Variants in NRCAM observed in about 807,000 individuals in gnomAD.
NRCAM encodes the protein NgCAM-related cell adhesion molecule.
In NRCAM, 83 loss-of-function variants were observed where a neutral mutation model predicts 156.5. The observed-to-expected ratio is 0.53, with a 90% CI of 0.44 to 0.64. The LOEUF (loss-of-function observed/expected upper bound fraction) is 0.64. Among genes scored for constraint, NRCAM ranks in the 30% least tolerant of loss-of-function variants. The pLI, the probability that NRCAM is intolerant of heterozygous loss-of-function variation, is 0.00. For missense variants in NRCAM, 1,417 were observed against 1,597.3 expected (o/e 0.89, Z 1.92); for synonymous variants, 538 against 563.9 (o/e 0.95, Z 0.65).
intron 1 of NRCAM, among the ~76,000 whole-genome samples, chr7:108,428,546 G>C (rs1483304543): frequency 1.3e-5 from 2 of 152,156 alleles, no homozygotes; most frequent in Admixed American, 6.5e-5. Context: ...AAACAATGCT[G>C]AGATCCTTGG....
intron 2 of NRCAM, among the ~76,000 whole-genome samples, chr7:108,392,341 C>A (rs2099762962): frequency 6.6e-6 from 1 of 152,262 alleles, no homozygotes; most frequent in Admixed American, 6.5e-5. Flanking sequence ...ATCACTGATA[C>A]CCTTTCTTAC....
At chr7:108,407,391 G>A (rs2099810180) in intron 1 of NRCAM, among the ~76,000 whole-genome samples, 1 of 152,060 alleles carries the variant, frequency 6.6e-6, no homozygotes, top group African/African-American at 2.4e-5. Context: ...TATTTTACTA[G>A]CACTGGCTGA....
chr7:108,330,007 T>C (rs1224511391), intron 2 of NRCAM, among the ~76,000 whole-genome samples: 1 of 152,228 alleles, frequency 6.6e-6, no homozygotes, highest in Non-Finnish European at 1.5e-5. Flanking sequence ...TTACTAGTGG[T>C]ACCAGCTGAT....
intron 3 of NRCAM, among the ~76,000 whole-genome samples, chr7:108,297,111 T>C (rs529689690): frequency 2.1e-4 from 32 of 152,208 alleles, no homozygotes; most frequent in Non-Finnish European, 4.4e-4. Context: ...ATGATCGGCT[T>C]TCAACCCCAC....
chr7:108,425,808 C>T (rs1005562438), intron 1 of NRCAM, among the ~76,000 whole-genome samples: 1 of 152,090 alleles, frequency 6.6e-6, no homozygotes, highest in African/African-American at 2.4e-5. Context: ...TGTCTAGGTG[C>T]GTCCTGAACA....
intron 8 of NRCAM, among the ~76,000 whole-genome samples, chr7:108,230,727 T>G (rs1268066463): frequency 6.6e-6 from 1 of 150,704 alleles, no homozygotes; most frequent in African/African-American, 2.4e-5. Context: ...AAACTCTGCT[T>G]TTTTTTTTTC....
intron 13 of NRCAM, among the ~76,000 whole-genome samples, chr7:108,205,553 C>T (rs927683254): frequency 3.9e-5 from 6 of 152,182 alleles, no homozygotes; most frequent in Non-Finnish European, 8.8e-5. Flanking sequence ...TCCCCATTTT[C>T]CCTGCTGAAG....
At chr7:108,351,763 CTT>C (rs11460232) in intron 2 of NRCAM, among the ~76,000 whole-genome samples, 1 of 149,840 alleles carries the variant, frequency 6.7e-6, no homozygotes, top group Non-Finnish European at 1.5e-5. Flanking sequence ...ATATTGACCA[CTT>C]TTTTTTTTTA....
intron 1 of NRCAM, among the ~76,000 whole-genome samples, chr7:108,423,672 T>C (rs1813257786): frequency 6.6e-6 from 1 of 152,198 alleles, no homozygotes; most frequent in East Asian, 1.9e-4. Flanking sequence ...CTGAACTTCA[T>C]TTTTGGTGGC....
At position 108,209,619 on chromosome 7, in the gene NRCAM, TA is replaced by T; in HGVS notation, c.891-15del. 1.9e-6 allele frequency: 3 copies of T among 1,555,784 alleles called. No individual in the cohort carries two copies. The highest frequency in any genetic ancestry group is 2.5e-5 in the South Asian group (2 of 79,066). ...ATTGGGGTAGGCCTGATAGGATAAATAAATAATGATGTTACAAAAAAGGAAT... is the reference window on the plus strand; with the variant it reads ...ATTGGGGTAGGCCTGATAGGATAAATAATAATGATGTTACAAAAAAGGAAT... On this transcript the variant is annotated splice_polypyrimidine_tract_variant and intron_variant, in intron 11 of 32. Transcript: ENST00000379028.
At chr7:108,364,697 A>G (rs549686950) in intron 2 of NRCAM, among the ~76,000 whole-genome samples, 1 of 151,722 alleles carries the variant, frequency 6.6e-6, no homozygotes, top group East Asian at 2.0e-4. Flanking sequence ...ACTTTACAAC[A>G]TGGATGAACC....
chr7:108,434,934 CCA>C (rs938708636), intron 1 of NRCAM, among the ~76,000 whole-genome samples: 6 of 151,788 alleles, frequency 4.0e-5, no homozygotes, highest in Non-Finnish European at 7.4e-5. Flanking sequence ...AAAGCAGAAA[CCA>C]CAGTTACCAC....
chr7:108,223,493 T>G (rs56071425), intron 11 of NRCAM, among the ~76,000 whole-genome samples: 1 of 152,088 alleles, frequency 6.6e-6, no homozygotes, highest in African/African-American at 2.4e-5. Context: ...ATTTCAACAA[T>G]CATAAGGTGA....
intron 2 of NRCAM, among the ~76,000 whole-genome samples, chr7:108,367,900 T>C (rs1184852890): frequency 6.6e-6 from 1 of 152,228 alleles, no homozygotes; most frequent in Non-Finnish European, 1.5e-5. Context: ...TATCTATCAA[T>C]GTCAAACATT....
At chr7:108,438,043 A>ATT (rs1563809583) in intron 1 of NRCAM, among the ~76,000 whole-genome samples, 2 of 151,582 alleles carry the variant, frequency 1.3e-5, no homozygotes, top group South Asian at 2.1e-4. Context: ...AAAAAAAAAA[A>ATT]AATTAATTAA....
At chr7:108,446,906 T>C (rs1159348014) in intron 1 of NRCAM, among the ~76,000 whole-genome samples, 1 of 151,546 alleles carries the variant, frequency 6.6e-6, no homozygotes, top group African/African-American at 2.4e-5. Context: ...TTTTGCATTT[T>C]TTTAGTAGAG....
chr7:108,303,170 C>T (rs1005108826), intron 3 of NRCAM, among the ~76,000 whole-genome samples: 3 of 152,062 alleles, frequency 2.0e-5, no homozygotes, highest in Admixed American at 6.6e-5. Flanking sequence ...CCATGTTGGC[C>T]AGGCTGGTCT....
At chr7:108,211,250 C>A (rs1563467356) in intron 11 of NRCAM, among the ~76,000 whole-genome samples, 1 of 152,128 alleles carries the variant, frequency 6.6e-6, no homozygotes, top group African/African-American at 2.4e-5. Flanking sequence ...CGCTGGGTCC[C>A]CAAGCAGGCC....
chr7:108,156,270 C>A (rs2045411958), intron 32 of NRCAM: 1 of 984,342 alleles, frequency 1.0e-6, no homozygotes, highest in Non-Finnish European at 1.2e-6. Context: ...ATTCATGTGG[C>A]AAGAGCCACC....
Sources: gnomAD v4.1 joint callset for allele counts (sites outside exome capture counted in the v4.1 genomes callset) on GRCh38, gnomAD v4.1.1 for gene constraint, MANE v1.5 for transcripts, NCBI Gene and HGNC (gene_info 2026-07-23, HGNC 2026-07-21) for gene names.